Variants in FGF12 observed in about 807,000 individuals in gnomAD.
FGF12 encodes the protein fibroblast growth factor 12B.
A neutral mutation model predicts 23.6 loss-of-function variants in FGF12; 14 were observed. That is an observed-to-expected ratio of 0.59 (90% CI 0.39 to 0.93). FGF12 has a LOEUF of 0.93. Among genes scored for constraint, FGF12 ranks in the 40% least tolerant of loss-of-function variants. The probability of loss-of-function intolerance (pLI) is 0.00; values close to 1 mark genes in which losing one functional copy is unlikely to be tolerated. For synonymous variants in FGF12, 62 were observed against 77.3 expected, an observed-to-expected ratio of 0.80 and a Z score of 1.04; for missense variants, 175 against 217.8, an observed-to-expected ratio of 0.80 and a Z score of 1.24.
At chr3:192,220,601 T>A (rs373235637) in intron 4 of FGF12, among the ~76,000 whole-genome samples, 60 of 152,276 alleles carry the variant, frequency 3.9e-4, no homozygotes, top group Middle Eastern at 3.4e-3. Context: ...TCACTCGACA[T>A]ACTGAGATAA....
At chr3:192,708,458 C>G (rs778528475) in intron 2 of FGF12, among the ~76,000 whole-genome samples, 1 of 152,068 alleles carries the variant, frequency 6.6e-6, no homozygotes, top group Non-Finnish European at 1.5e-5. Flanking sequence ...ATATTGAGGG[C>G]TTTATAGTAC....
chr3:192,227,310 A>T (rs1718786508), intron 4 of FGF12, among the ~76,000 whole-genome samples: 1 of 152,176 alleles, frequency 6.6e-6, no homozygotes, highest in African/African-American at 2.4e-5. Flanking sequence ...TCTTGTACTT[A>T]TGCACAGACA....
chr3:192,221,019 A>G (rs1718444772), intron 4 of FGF12, among the ~76,000 whole-genome samples: 1 of 152,192 alleles, frequency 6.6e-6, no homozygotes, highest in South Asian at 2.1e-4. Flanking sequence ...GAGTTAATGT[A>G]TTTGTGTGAC....
At chr3:192,564,032 T>G (rs1712158328) in intron 2 of FGF12, among the ~76,000 whole-genome samples, 1 of 138,592 alleles carries the variant, frequency 7.2e-6, no homozygotes, top group Non-Finnish European at 1.6e-5. Context: ...TATGTGTAGT[T>G]TTTTGTTTTT....
Position 192,579,522 on chromosome 3 carries a change from C to A in FGF12, c.13+147659G>T, listed in dbSNP as rs973582011. Among the ~76,000 whole-genome samples the A allele has an allele frequency of 3.9e-5, 6 of 152,284 alleles. No individual in the cohort carries two copies. In the East Asian group the frequency reaches 9.7e-4, roughly 25 times the overall value. ...GGTAGGTAAGCTCAGGACACACAAG[C>A]ACTGTTTCCATGTTGCTGTAAACCA... is the stretch of plus-strand genomic sequence containing the variant. On this transcript the variant is annotated intron_variant, in intron 2 of 5. Transcript: ENST00000445105.
At chr3:192,297,449 A>T (rs1461077528) in intron 4 of FGF12, among the ~76,000 whole-genome samples, 2 of 152,226 alleles carry the variant, frequency 1.3e-5, no homozygotes, top group Non-Finnish European at 2.9e-5. Flanking sequence ...TTGCCAATTC[A>T]CATATCTAAA....
chr3:192,331,535 A>G (rs548021865), intron 4 of FGF12, among the ~76,000 whole-genome samples: 1 of 152,124 alleles, frequency 6.6e-6, no homozygotes, highest in Non-Finnish European at 1.5e-5. Context: ...ATCCTGTCAT[A>G]TTCTACAACA....
At chr3:192,567,341 C>T (rs1444108297) in intron 2 of FGF12, among the ~76,000 whole-genome samples, 2 of 151,008 alleles carry the variant, frequency 1.3e-5, no homozygotes, top group African/African-American at 2.4e-5. Context: ...TATTCCTCAC[C>T]GAAGTTGGAG....
intron 2 of FGF12, among the ~76,000 whole-genome samples, chr3:192,605,100 CA>C (rs1408556724): frequency 6.6e-6 from 1 of 152,094 alleles, no homozygotes; most frequent in African/African-American, 2.4e-5. Flanking sequence ...AGAAGAGGGT[CA>C]GGGGCAGTGG....
At chr3:192,314,682 C>G (rs537088290) in intron 4 of FGF12, among the ~76,000 whole-genome samples, 19 of 152,160 alleles carry the variant, frequency 1.2e-4, no homozygotes, top group Non-Finnish European at 2.5e-4. Context: ...CATCACTTTC[C>G]TCACAGCTAG....
intron 4 of FGF12, among the ~76,000 whole-genome samples, chr3:192,175,848 T>C (rs1715828713): frequency 6.6e-6 from 1 of 152,150 alleles, no homozygotes; most frequent in Admixed American, 6.5e-5. Context: ...CCCAGCTTCA[T>C]AGTTTCATAC....
intron 2 of FGF12, among the ~76,000 whole-genome samples, chr3:192,379,095 T>A (rs1719700992): frequency 1.3e-5 from 2 of 152,218 alleles, no homozygotes; most frequent in East Asian, 3.8e-4. Flanking sequence ...TTTAAATTTT[T>A]TCTGGCTGCA....
In FGF12 at chr3:192,425,017, A is replaced by G. The variant is rs78432626; in HGVS notation, c.14-64479T>C. ...ATATGTATACTGCATATATGTGTGT[A>G]TAAAATTTTAAAATGCTAAGGTAAG... On this transcript the variant is annotated intron_variant, in intron 2 of 5. Coordinates refer to ENST00000445105, the MANE Select transcript of FGF12 (RefSeq NM_004113.6). Among the ~76,000 whole-genome samples, 548 of 152,274 alleles carry G rather than the reference A, an allele frequency of 3.6e-3. 6 individuals carry two copies. The highest frequency in any genetic ancestry group is 0.013 in the African/African-American group (527 of 41,566).
chr3:192,676,636 T>C (rs553080434), intron 2 of FGF12, among the ~76,000 whole-genome samples: 13 of 152,274 alleles, frequency 8.5e-5, no homozygotes, highest in African/African-American at 3.1e-4. Flanking sequence ...GATAGGGCCC[T>C]TACACAGGTA....
intron 2 of FGF12, among the ~76,000 whole-genome samples, chr3:192,426,881 G>A (rs57617454): frequency 0.01 from 1,564 of 152,210 alleles, 29 homozygotes; most frequent in African/African-American, 0.036. Context: ...CGGTAGAAAC[G>A]TAGGTTAATT....
At chr3:192,610,792 G>C (rs1020164131) in intron 2 of FGF12, among the ~76,000 whole-genome samples, 3 of 152,146 alleles carry the variant, frequency 2.0e-5, no homozygotes, top group Non-Finnish European at 4.4e-5. Context: ...GAATATACCA[G>C]GTGTGTGGTC....
At chr3:192,628,894 T>C (rs1715284201) in intron 2 of FGF12, among the ~76,000 whole-genome samples, 1 of 151,696 alleles carries the variant, frequency 6.6e-6, no homozygotes, top group Non-Finnish European at 1.5e-5. Flanking sequence ...CTAATATAGG[T>C]ATGGAGAATA....
chr3:192,339,128 T>A (rs1333531513), intron 3 of FGF12, among the ~76,000 whole-genome samples: 1 of 152,184 alleles, frequency 6.6e-6, no homozygotes, highest in African/African-American at 2.4e-5. Flanking sequence ...CTAAGCCCAT[T>A]TTTAAAAATC....
intron 4 of FGF12, among the ~76,000 whole-genome samples, chr3:192,257,062 T>C (rs1712441565): frequency 6.6e-6 from 1 of 152,190 alleles, no homozygotes; most frequent in African/African-American, 2.4e-5. Context: ...GTTTGGTTTT[T>C]GTAAAACTGT....
Sources: allele counts gnomAD v4.1 joint callset (sites outside exome capture counted in the v4.1 genomes callset), GRCh38; gene constraint gnomAD v4.1.1; transcripts MANE v1.5; gene names NCBI Gene and HGNC (gene_info 2026-07-23, HGNC 2026-07-21).